DMD: variants seen among roughly 807,000 people sequenced by gnomAD.
The protein encoded by DMD is dystrophin, also known as mutant dystrophin.
DMD carries 63 observed loss-of-function variants against 330.1 expected under a neutral mutation model. That is an observed-to-expected ratio of 0.19 (90% CI 0.16 to 0.24). The LOEUF (loss-of-function observed/expected upper bound fraction) is 0.24, where lower values mean the gene tolerates loss of function less well. DMD is among the 10% of genes least tolerant of loss of function. The pLI is 1.00. For synonymous variants in DMD, 1,223 were observed against 959.8 expected (o/e 1.27, Z -5.07); for missense variants, 3,344 against 2,684.1 (o/e 1.25, Z -5.43).
At chrX:32,879,021 A>AAAAAAAAAAAAAACAAACAAAC (rs1352069437) in intron 2 of DMD, among the ~76,000 whole-genome samples, 10 of 101,762 alleles carry the variant, frequency 9.8e-5, no homozygotes, top group African/African-American at 3.2e-4. Flanking sequence ...AAAAAAACAA[A>AAAAAAAAAAAAAACAAACAAAC]AAACAAAAAA....
At chrX:32,444,223 C>A (rs1402261007) in intron 27 of DMD, among the ~76,000 whole-genome samples, 1 of 110,281 alleles carries the variant, frequency 9.1e-6, no homozygotes, top group Non-Finnish European at 1.9e-5. Flanking sequence ...AGCAAGGAAA[C>A]TATTGTTGGG....
At chrX:33,162,854 G>A (rs1433584953) in intron 1 of DMD, among the ~76,000 whole-genome samples, 3 of 109,771 alleles carry the variant, frequency 2.7e-5, no homozygotes. Context: ...TCATGTGATT[G>A]TGCTCCAAAA....
At chrX:31,458,372 T>C (rs1260854170) in intron 59 of DMD, among the ~76,000 whole-genome samples, 1 of 110,765 alleles carries the variant, frequency 9.0e-6, no homozygotes, top group African/African-American at 3.3e-5. Flanking sequence ...AATATCTAAA[T>C]TCATATCCTG....
chrX:32,045,974 T>C (rs1189919667), intron 44 of DMD, among the ~76,000 whole-genome samples: 1 of 112,168 alleles, frequency 8.9e-6, no homozygotes, highest in African/African-American at 3.2e-5. Context: ...CATTGATGTA[T>C]GTATCCCAAA....
intron 62 of DMD, among the ~76,000 whole-genome samples, chrX:31,310,205 CCATAT>C (rs1569523708): frequency 2.6e-4 from 9 of 34,785 alleles, no homozygotes; most frequent in African/African-American, 7.7e-4. Context: ...CTCTCTCTCT[CCATAT>C]ATATATATAT....
chrX:32,184,481 C>T (rs1477217127), intron 44 of DMD, among the ~76,000 whole-genome samples: 1 of 110,905 alleles, frequency 9.0e-6, no homozygotes, highest in African/African-American at 3.3e-5. Context: ...TAGAAAGAAA[C>T]GGAAGGAATT....
chrX:33,074,548 C>T (rs942147885), intron 1 of DMD, among the ~76,000 whole-genome samples: 2 of 110,814 alleles, frequency 1.8e-5, no homozygotes, highest in African/African-American at 6.6e-5. Context: ...GAGGGGAGGC[C>T]TTTAAGAGGC....
At chrX:31,191,191 A>ATG (rs34438085) in intron 67 of DMD, among the ~76,000 whole-genome samples, 1,579 of 107,170 alleles carry the variant, frequency 0.015, 17 homozygotes, top group African/African-American at 0.024. Flanking sequence ...TACAATGTGT[A>ATG]TGTGTGTGTG....
intron 17 of DMD, among the ~76,000 whole-genome samples, chrX:32,529,140 T>G (rs1235839938): frequency 9.4e-6 from 1 of 106,352 alleles, no homozygotes; most frequent in Non-Finnish European, 1.9e-5. Flanking sequence ...TCAGCCAGGA[T>G]GGTCTCGATC....
chrX:31,501,925 C>A (rs2070444513), intron 56 of DMD, among the ~76,000 whole-genome samples: 1 of 111,201 alleles, frequency 9.0e-6, no homozygotes, highest in Non-Finnish European at 1.9e-5. Flanking sequence ...AAAACAGACA[C>A]AAAGACCCAT....
In DMD at chrX:32,508,578, T is replaced by C. The variant is rs151161940; in HGVS notation, c.2293-6736A>G. Among the ~76,000 whole-genome samples the C allele has an allele frequency of 7.9e-3, 879 of 111,433 alleles. 8 individuals are homozygous for C. Among genetic ancestry groups the C allele is most frequent in the South Asian group, 0.046 (121 of 2,625 alleles). ...GACCTTTCTGAACCTCAGTATTTCCTATGTAAAATAGCAATAAAGATACCT... is the reference window on the plus strand; with the variant it reads ...GACCTTTCTGAACCTCAGTATTTCCCATGTAAAATAGCAATAAAGATACCT... On this transcript the variant is annotated intron_variant, in intron 18 of 78. Transcript: ENST00000357033.
intron 44 of DMD, among the ~76,000 whole-genome samples, chrX:32,102,765 T>G (rs1029527353): frequency 5.4e-5 from 6 of 111,517 alleles, no homozygotes; most frequent in Admixed American, 1.9e-4. Context: ...TAAATTGGCT[T>G]TAAGTTGTAC....
intron 1 of DMD, among the ~76,000 whole-genome samples, chrX:33,118,083 A>C (rs1299127103): frequency 9.5e-6 from 1 of 105,816 alleles, no homozygotes; most frequent in Admixed American, 1.1e-4. Flanking sequence ...AGGATATCAG[A>C]TGTGTTCAGG....
At chrX:33,189,410 G>A (rs894135963) in intron 1 of DMD, among the ~76,000 whole-genome samples, 6 of 111,573 alleles carry the variant, frequency 5.4e-5, no homozygotes, top group African/African-American at 2.0e-4. Context: ...ACAAAATATG[G>A]TGAAAGATAT....
At chrX:32,830,774 T>A (rs1603443301) in intron 4 of DMD, among the ~76,000 whole-genome samples, 1 of 111,444 alleles carries the variant, frequency 9.0e-6, no homozygotes, top group East Asian at 2.8e-4. Flanking sequence ...TCTTCGGAAG[T>A]TGCTTTATTC....
At chrX:32,431,422 AT>A (rs914432640) in intron 29 of DMD, among the ~76,000 whole-genome samples, 8 of 110,793 alleles carry the variant, frequency 7.2e-5, no homozygotes, top group South Asian at 3.7e-4. Context: ...GGGTTATATA[AT>A]TTTTTTATAT....
intron 60 of DMD, among the ~76,000 whole-genome samples, chrX:31,420,725 T>C (rs2063323940): frequency 1.8e-5 from 2 of 112,204 alleles, no homozygotes; most frequent in South Asian, 7.4e-4. Context: ...TATGAATGAG[T>C]GCCCACAGGA....
chrX:32,877,110 G>C (rs1019826052), intron 2 of DMD, among the ~76,000 whole-genome samples: 4 of 111,988 alleles, frequency 3.6e-5, no homozygotes, highest in Non-Finnish European at 7.5e-5. Flanking sequence ...TTCTGATGCA[G>C]AATCAGTCTT....
chrX:33,064,850 C>A (rs1427090846), intron 1 of DMD, among the ~76,000 whole-genome samples: 1 of 110,963 alleles, frequency 9.0e-6, no homozygotes, highest in Non-Finnish European at 1.9e-5. Flanking sequence ...GATCGCGCCA[C>A]TGCACTTCAG....
Sources: gnomAD v4.1 joint callset for allele counts (sites outside exome capture counted in the v4.1 genomes callset) on GRCh38, gnomAD v4.1.1 for gene constraint, MANE v1.5 for transcripts, NCBI Gene and HGNC (gene_info 2026-07-23, HGNC 2026-07-21) for gene names.